Variants in NBAS observed in about 807,000 individuals in gnomAD.
NBAS encodes the protein NAG/BC035112 fusion.
A neutral mutation model predicts 302.5 loss-of-function variants in NBAS; 219 were observed. The observed-to-expected ratio is 0.72, with a 90% confidence interval of 0.65 to 0.81. The LOEUF (loss-of-function observed/expected upper bound fraction) is 0.81, where lower values mean the gene tolerates loss of function less well. Ranked by LOEUF, NBAS falls within the 30% of genes least tolerant of loss-of-function variation. The pLI is 0.00. For missense variants in NBAS, 2,932 were observed against 2,841.6 expected (o/e 1.03, Z -0.72); for synonymous variants, 1,118 against 1,021.6 (o/e 1.09, Z -1.80).
intron 19 of NBAS, among the ~76,000 whole-genome samples, chr2:15,466,174 G>T (rs1313513334): frequency 1.3e-5 from 2 of 152,110 alleles, no homozygotes; most frequent in East Asian, 3.9e-4. Context: ...TTAGCAGGGT[G>T]GGGGAATCGA....
intron 28 of NBAS, among the ~76,000 whole-genome samples, chr2:15,390,896 C>T (rs1675560102): frequency 6.6e-6 from 1 of 152,042 alleles, no homozygotes; most frequent in South Asian, 2.1e-4. Flanking sequence ...AGGTGGATCA[C>T]CAGGTCAGGA....
chr2:14,902,301 T>C, the NBAS span, among the ~76,000 whole-genome samples: 1 of 152,100 alleles, frequency 6.6e-6, no homozygotes, highest in African/African-American at 2.4e-5. Context: ...TCAGCTAATT[T>C]TTGCATTTTT....
intron 32 of NBAS, among the ~76,000 whole-genome samples, chr2:15,358,591 C>T (rs1173023782): frequency 6.6e-6 from 1 of 152,146 alleles, no homozygotes; most frequent in East Asian, 1.9e-4. Context: ...CCTACAGGGA[C>T]ATACCACTAA....
chr2:14,884,958 T>C, the NBAS span, among the ~76,000 whole-genome samples: 1 of 152,086 alleles, frequency 6.6e-6, no homozygotes, highest in African/African-American at 2.4e-5. Flanking sequence ...AAGCCCTTGG[T>C]AGACAGACAA....
the NBAS span, among the ~76,000 whole-genome samples, chr2:14,917,540 G>A: frequency 2.0e-5 from 3 of 152,192 alleles, no homozygotes; most frequent in African/African-American, 7.2e-5. Context: ...CAACTTAGAA[G>A]GTATGAATTA....
At chr2:15,391,570 T>C (rs1252589248) in intron 28 of NBAS, among the ~76,000 whole-genome samples, 2 of 152,112 alleles carry the variant, frequency 1.3e-5, no homozygotes, top group Non-Finnish European at 2.9e-5. Flanking sequence ...TGAAAGGTCC[T>C]AATAGATGTA....
chr2:14,931,669 C>T, the NBAS span, among the ~76,000 whole-genome samples: 3 of 152,144 alleles, frequency 2.0e-5, no homozygotes, highest in Non-Finnish European at 2.9e-5. Context: ...TCTGAGTACT[C>T]GGCACCATGA....
At chr2:14,924,729 C>G in the NBAS span, among the ~76,000 whole-genome samples, 3 of 151,952 alleles carry the variant, frequency 2.0e-5, no homozygotes, top group African/African-American at 4.8e-5. Context: ...CACGGTGGAG[C>G]CTTATAGGAA....
the NBAS span, among the ~76,000 whole-genome samples, chr2:15,000,451 G>C: frequency 6.6e-6 from 1 of 152,156 alleles, no homozygotes. Context: ...CAGAATGCAG[G>C]AACACAAATC....
chr2:14,808,217 A>G, the NBAS span, among the ~76,000 whole-genome samples: 1 of 152,226 alleles, frequency 6.6e-6, no homozygotes, highest in Non-Finnish European at 1.5e-5. Flanking sequence ...AGAGAAGTAA[A>G]TTAACTCAGC....
intron 40 of NBAS, among the ~76,000 whole-genome samples, chr2:15,293,207 C>T (rs1184651180): frequency 1.3e-5 from 2 of 152,098 alleles, no homozygotes; most frequent in African/African-American, 4.8e-5. Context: ...AACAAAGGTG[C>T]AGTTCAATAA....
the NBAS span, among the ~76,000 whole-genome samples, chr2:15,138,019 C>G: frequency 6.6e-6 from 1 of 152,260 alleles, no homozygotes; most frequent in South Asian, 2.1e-4. Flanking sequence ...ACCAACAGCA[C>G]TCCCCATTTT....
chr2:14,815,677 C>T, the NBAS span, among the ~76,000 whole-genome samples: 1 of 152,192 alleles, frequency 6.6e-6, no homozygotes, highest in Admixed American at 6.5e-5. Context: ...GCCCAGACAT[C>T]TCTTCTGTGC....
At chr2:15,544,848 A>G (rs1467036928) in intron 6 of NBAS, among the ~76,000 whole-genome samples, 1 of 152,000 alleles carries the variant, frequency 6.6e-6, no homozygotes, top group Non-Finnish European at 1.5e-5. Flanking sequence ...TATCTCTACT[A>G]AAAAATACAA....
chr2:15,234,845 A>C (rs1667524881), intron 45 of NBAS, 98 bp from the exon 46 acceptor site: 10 of 1,251,032 alleles, frequency 8.0e-6, no homozygotes, highest in African/African-American at 1.5e-5. Context: ...AACCAAATAC[A>C]TGAAAAGCAG....
chr2:14,920,801 C>G, the NBAS span, among the ~76,000 whole-genome samples: 1 of 152,126 alleles, frequency 6.6e-6, no homozygotes, highest in African/African-American at 2.4e-5. Flanking sequence ...AAATTAGGAC[C>G]TTGATCCAGA....
chr2:15,145,861 A>T, the NBAS span, among the ~76,000 whole-genome samples: 2 of 152,116 alleles, frequency 1.3e-5, no homozygotes, highest in Non-Finnish European at 1.5e-5. Context: ...TCTATGAAGG[A>T]TTCTGATGCA....
At chr2:15,260,997 C>A (rs948681520) in intron 44 of NBAS, among the ~76,000 whole-genome samples, 1 of 152,174 alleles carries the variant, frequency 6.6e-6, no homozygotes, top group Non-Finnish European at 1.5e-5. Flanking sequence ...TTACAGGACC[C>A]ACTAGTGAGT....
chr2:15,048,013 C>T, the NBAS span, among the ~76,000 whole-genome samples: 29 of 143,892 alleles, frequency 2.0e-4, no homozygotes, highest in East Asian at 6.4e-4. Context: ...TTTAAGTTTG[C>T]GTTCAGCAAA....
Sources: gnomAD v4.1 joint callset for allele counts (sites outside exome capture counted in the v4.1 genomes callset) on GRCh38, gnomAD v4.1.1 for gene constraint, MANE v1.5 for transcripts, NCBI Gene and HGNC (gene_info 2026-07-23, HGNC 2026-07-21) for gene names.